CLK2: variants seen among roughly 807,000 people sequenced by gnomAD.
The protein encoded by CLK2 is dual specificity protein kinase CLK2.
CLK2 carries 12 observed loss-of-function variants against 73.5 expected under a neutral mutation model. The ratio of observed to expected loss-of-function variants is 0.16; its 90% CI spans 0.10 to 0.26. The LOEUF (loss-of-function observed/expected upper bound fraction) is 0.26, where lower values mean the gene tolerates loss of function less well. Ranked by LOEUF, CLK2 falls within the 10% of genes least tolerant of loss-of-function variation. CLK2 has a pLI of 1.00. For missense variants in CLK2, 509 were observed against 688.4 expected (o/e 0.74, Z 2.92); for synonymous variants, 232 against 237.9 (o/e 0.98, Z 0.23).
At chr1:155,271,084 G>A (rs895948921) in intron 1 of CLK2, 107 bp from the exon 2 acceptor site, 5 of 1,180,204 alleles carry the variant, frequency 4.2e-6, no homozygotes, top group Non-Finnish European at 6.1e-6. Flanking sequence ...TCTTATTTCT[G>A]CCTCTTTTTA....
intron 1 of CLK2, among the ~76,000 whole-genome samples, chr1:155,272,533 G>A (rs1673560359): frequency 6.6e-6 from 1 of 152,116 alleles, no homozygotes; most frequent in Non-Finnish European, 1.5e-5. Context: ...TGAGAATCGC[G>A]TATGCAAAAG....
rs542635243 is a variant in CLK2, at chr1:155,263,554, A to G, written c.1318-154T>C. On this transcript the variant is annotated intron_variant, in intron 12 of 12. Transcript: ENST00000368361. ...GACCACACCAGGACCAACGTTTCTG[A>G]TATTATAGCTCAACCTACCTTCCCA... 30 of 985,374 alleles carry G rather than the reference A, an allele frequency of 3.0e-5. No homozygotes were observed. The Admixed American group carries it at 1.8e-3, about 58-fold the overall frequency. 61.0% of individuals were successfully genotyped at this position (985,374 alleles called of 1,614,324 possible).
chr1:155,269,217 C>A (rs1572019314), intron 3 of CLK2: 2 of 592,226 alleles, frequency 3.4e-6, no homozygotes, highest in African/African-American at 1.9e-5. Flanking sequence ...AGAGTGGAGG[C>A]CGCTGGGGCG....
chr1:155,270,667 G>T, intron 2 of CLK2, 141 bp downstream of exon 2: 1 of 913,254 alleles, frequency 1.1e-6, no homozygotes, highest in Non-Finnish European at 1.7e-6. Flanking sequence ...CAGCCCAAAT[G>T]GCTTCTTTGG....
rs1233114787 is a variant in CLK2 at position 155,267,993 on chromosome 1, C to T, written c.671+17G>A. On this transcript the variant is annotated intron_variant, in intron 6 of 12. Coordinates refer to ENST00000368361, the MANE Select transcript of CLK2 (RefSeq NM_001294338.2). ...TTGGGGCTCTCAGCCTCCCTACATA[C>T]TTCCTTGCTTGCTTACTTCTTGTTG... 1 of 1,591,548 alleles carries T rather than the reference C, an allele frequency of 6.3e-7. No individual in the cohort carries two copies. The highest frequency in any genetic ancestry group is 8.6e-7 in the Non-Finnish European group (1 of 1,159,728).
rs757254650 is a variant in CLK2, at chr1:155,268,392, G to A, written c.488-33C>T. The A allele has an allele frequency of 8.8e-6, 14 of 1,594,922 alleles. No homozygotes were observed. The highest frequency in any genetic ancestry group is 1.2e-5 in the Non-Finnish European group (14 of 1,162,786). On this transcript the variant is annotated intron_variant, in intron 4 of 12. Transcript: ENST00000368361. The surrounding 1 kb of genome is among the most constrained non-coding windows in gnomAD (Gnocchi z 5.6). Reference sequence around the variant, plus strand: ...GAAAGAGAGCAGGGTCGGGGAGAGGGAGGGAGAGAAGGTGGGGAATGAGCT... The same window carrying A: ...GAAAGAGAGCAGGGTCGGGGAGAGGAAGGGAGAGAAGGTGGGGAATGAGCT...
intron 1 of CLK2, 107 bp from the exon 2 acceptor site, chr1:155,271,084 G>T: frequency 4.2e-6 from 5 of 1,180,202 alleles, no homozygotes; most frequent in Non-Finnish European, 6.1e-6. Context: ...TCTTATTTCT[G>T]CCTCTTTTTA....
chr1:155,269,047 G>C, intron 3 of CLK2: 1 of 594,742 alleles, frequency 1.7e-6, no homozygotes, highest in Non-Finnish European at 3.0e-6. Context: ...GCAGAGAAGT[G>C]GTGTTGTTGC....
In CLK2 at chr1:155,263,304, C is replaced by T. The variant is rs1456924579; in HGVS notation, c.1414G>A (p.Glu472Lys). The change falls in exon 13 of 13, where the codon GAA becomes AAA. Residue 472 changes from glutamate to lysine, a missense_variant. Around this residue, in one of 6 missense-constraint regions of CLK2, gnomAD observed 134 missense variants for 146.0 expected, o/e 0.92. Coordinates refer to ENST00000368361, the MANE Select transcript of CLK2 (RefSeq NM_001294338.2). ...GCGAAGAAAGGATGCTGAAGGGCTT[C>T]ACCCAAGGTCAGCCGCTTAGCTGGT... ...YEPAKRLTLG[E>K]ALQHPFFARL... is the part of the protein sequence containing the mutation. 1 of 1,614,090 alleles carries T rather than the reference C, an allele frequency of 6.2e-7. No individual in the cohort carries two copies. The highest frequency in any genetic ancestry group is 8.5e-7 in the Non-Finnish European group (1 of 1,180,052).
Position 155,268,345 on chromosome 1 carries a change from T to A in CLK2, c.502A>T (p.Thr168Ser). 6.2e-7 allele frequency: 1 copy of A among 1,613,828 alleles called. No homozygotes were observed. The highest frequency in any genetic ancestry group is 8.5e-7 in the Non-Finnish European group (1 of 1,179,924). Reference sequence around the variant, plus strand: ...CGGCCGAAGGTCCCCTCTCCTAAGGTGCTAACGATTTCATCTGAAATGAAA... The same window carrying A: ...CGGCCGAAGGTCCCCTCTCCTAAGGAGCTAACGATTTCATCTGAAATGAAA... ...WLQERYEIVS[T>S]LGEGTFGRVV... is the part of the protein sequence containing the mutation. The change falls in exon 5 of 13, where the codon ACC becomes TCC. Residue 168 changes from threonine to serine, a missense_variant. Around this residue, in one of 6 missense-constraint regions of CLK2, gnomAD observed 76 missense variants for 126.4 expected, o/e 0.60. Transcript: ENST00000368361. The surrounding 1 kb of genome is among the most constrained non-coding windows in gnomAD (Gnocchi z 5.6).
intron 2 of CLK2, 91 bp from the exon 3 acceptor site, chr1:155,269,807 A>G: frequency 1.7e-6 from 2 of 1,185,694 alleles, no homozygotes; most frequent in Non-Finnish European, 2.5e-6. Flanking sequence ...GTGAGGACAA[A>G]GAGTAATGCT....
At chr1:155,269,147 G>A in intron 3 of CLK2, 1 of 574,324 alleles carries the variant, frequency 1.7e-6, no homozygotes, top group Non-Finnish European at 3.1e-6. Context: ...GCCTGCCAAG[G>A]GGGCTACAGA....
In CLK2 at chr1:155,263,039, G is replaced by C; in HGVS notation, c.*179C>G. 1 of 621,840 alleles carries C rather than the reference G, an allele frequency of 1.6e-6. No homozygotes were observed. The highest frequency in any genetic ancestry group is 2.2e-5 in the South Asian group (1 of 44,702). The allele number at this position is 621,840 out of a possible 1,614,324, so 38.5% of individuals were successfully genotyped here. A position where few individuals can be genotyped will look rare whatever the true frequency, so the allele number is the denominator to read the frequency against. ...TGGAATAGTATTATGTACAAGGCAG[G>C]GGTTGAAGTGATAGGTACAAGTTCT... is the stretch of plus-strand genomic sequence containing the variant. On this transcript the variant is annotated 3_prime_UTR_variant, in exon 13 of 13. Coordinates refer to ENST00000368361, the MANE Select transcript of CLK2 (RefSeq NM_001294338.2).
Position 155,263,762 on chromosome 1 carries a change from C to CT in CLK2, c.1317+187dup, listed in dbSNP as rs368132695. On this transcript the variant is annotated intron_variant, in intron 12 of 12. Coordinates refer to ENST00000368361, the MANE Select transcript of CLK2 (RefSeq NM_001294338.2). ...TCTGGTTGTCTCAAGGTTAGGCTGT[C>CT]TAACCTCCTTCCCTCCACAAAACCA... 5,596 of 977,832 alleles carry CT rather than the reference C, an allele frequency of 5.7e-3. 21 individuals carry two copies. The highest frequency in any genetic ancestry group is 6.6e-3 in the Admixed American group (107 of 16,278). The allele number at this position is 977,832 out of a possible 1,614,324, so 60.6% of individuals were successfully genotyped here. A position where few individuals can be genotyped will look rare whatever the true frequency, so the allele number is the denominator to read the frequency against.
chr1:155,268,167 A>G lies in CLK2; in HGVS notation c.555-41T>C, dbSNP rs1441737984. Reference sequence around the variant, plus strand: ...AGAGGCTTTTGCTGGGTTCTCAAGAATGTCTCAAAATGAACAGGGCTGTAG... The same window carrying G: ...AGAGGCTTTTGCTGGGTTCTCAAGAGTGTCTCAAAATGAACAGGGCTGTAG... On this transcript the variant is annotated intron_variant, in intron 5 of 12. Coordinates refer to ENST00000368361, the MANE Select transcript of CLK2 (RefSeq NM_001294338.2). The surrounding 1 kb of genome is among the most constrained non-coding windows in gnomAD (Gnocchi z 5.6). 4.4e-6 allele frequency: 7 copies of G among 1,585,434 alleles called. No homozygotes were observed. The South Asian group carries it at 6.6e-5, about 15-fold the overall frequency.
At position 155,273,449 on chromosome 1, in the gene CLK2, C is replaced by A; in HGVS notation, c.-249G>T. 1 of 153,106 alleles carries A rather than the reference C, an allele frequency of 6.5e-6. No individual in the cohort carries two copies. Among genetic ancestry groups the A allele is most frequent in the South Asian group, 2.0e-4 (1 of 5,042 alleles). 9.5% of individuals were successfully genotyped at this position (153,106 alleles called of 1,614,324 possible). A position where few individuals can be genotyped will look rare whatever the true frequency, so the allele number is the denominator to read the frequency against. ...GCCCGGGGCCCGATCCCAGCTCGGTCTCCGGCTCTGGCCTCTCCGCTCCGC... is the reference window on the plus strand; with the variant it reads ...GCCCGGGGCCCGATCCCAGCTCGGTATCCGGCTCTGGCCTCTCCGCTCCGC... On this transcript the variant is annotated 5_prime_UTR_variant, in exon 1 of 13. Coordinates refer to ENST00000368361, the MANE Select transcript of CLK2 (RefSeq NM_001294338.2).
chr1:155,269,690 C>T lies in CLK2; in HGVS notation c.197G>A (p.Arg66Gln), dbSNP rs760538057. ...ACAGTATCGCCGGTCATACACCCTC[C>T]GGTCGGACGAACGATCATCATAACT... ...RSSYDDRSSD[R>Q]RVYDRRYCGS... The change falls in exon 3 of 13, where the codon CGG (arginine) becomes CAG (glutamine). Residue 66 changes from arginine (R) to glutamine (Q), a missense_variant. Transcript: ENST00000368361. 33 of 1,614,110 alleles carry T rather than the reference C, an allele frequency of 2.0e-5. 1 individual carries two copies. The highest frequency in any genetic ancestry group is 7.7e-5 in the South Asian group (7 of 91,092).
chr1:155,263,783 A>C, intron 12 of CLK2, 167 bp downstream of exon 12: 1 of 922,328 alleles, frequency 1.1e-6, no homozygotes, highest in Non-Finnish European at 1.3e-6. Flanking sequence ...CCCTCCACAA[A>C]ACCACTCCCT....
chr1:155,265,029 C>G (rs1398012039), intron 8 of CLK2, among the ~76,000 whole-genome samples: 2 of 151,960 alleles, frequency 1.3e-5, no homozygotes, highest in Non-Finnish European at 2.9e-5. Flanking sequence ...ACTCAAGTGC[C>G]AGATATATAG....
Sources: allele counts gnomAD v4.1 joint callset (sites outside exome capture counted in the v4.1 genomes callset), GRCh38; gene constraint gnomAD v4.1.1; regional missense constraint gnomAD v4.1.1; non-coding constraint Gnocchi (gnomAD v3.1); transcripts MANE v1.5; gene names NCBI Gene and HGNC (gene_info 2026-07-23, HGNC 2026-07-21).